The following ATP6V1F variants were observed in gnomAD, a reference collection of about 807,000 sequenced individuals.
ATP6V1F encodes ATPase H+ transporting V1 subunit F.
ATP6V1F carries 4 observed loss-of-function variants against 6.6 expected under a neutral mutation model. The ratio of observed to expected loss-of-function variants is 0.60; its 90% CI spans 0.30 to 1.38. The LOEUF is 1.38. ATP6V1F is among the 40% of genes most tolerant of loss of function. The pLI, the probability that ATP6V1F is intolerant of heterozygous loss-of-function variation, is 0.08. For synonymous variants in ATP6V1F, 68 were observed against 66.9 expected (o/e 1.02, Z -0.08); for missense variants, 136 against 165.5 (o/e 0.82, Z 0.98).
intron 1 of ATP6V1F, among the ~76,000 whole-genome samples, chr7:128,864,328 G>T (rs1412201835): frequency 6.6e-6 from 1 of 152,176 alleles, no homozygotes; most frequent in Admixed American, 6.5e-5. Context: ...GGGTGACAGA[G>T]GGAGACCCTG....
Position 128,865,210 on chromosome 7 carries a change from T to C in ATP6V1F, c.159-167T>C. Reference sequence around the variant, plus strand: ...GGGATGAAATTGATTCTAGGTAGGGTTGACAGAGGGTTGAGCGTGGCAGCC... The same window carrying C: ...GGGATGAAATTGATTCTAGGTAGGGCTGACAGAGGGTTGAGCGTGGCAGCC... On this transcript the variant is annotated intron_variant, in intron 1 of 1. Transcript: ENST00000249289. The surrounding 1 kb of genome is among the most constrained non-coding windows in gnomAD (Gnocchi z 4.4). The C allele has an allele frequency of 6.5e-7, 1 of 1,539,596 alleles. No homozygotes were observed. The highest frequency in any genetic ancestry group is 1.4e-5 in the African/African-American group (1 of 73,150).
Position 128,862,928 on chromosome 7 carries a change from C to T in ATP6V1F, c.24C>T (p.Ile8=), listed in dbSNP as rs148608984. 3.3e-5 allele frequency: 53 copies of T among 1,611,104 alleles called. No homozygotes were observed. Among genetic ancestry groups the T allele is most frequent in the Admixed American group, 1.0e-4 (6 of 59,592 alleles). MAGRGKL[I]AVIGDEDTVT... Reference sequence around the variant, plus strand: ...GGATGGCGGGGAGGGGTAAGCTCATCGCAGTGATCGGAGACGAGGACACGG... The same window carrying T: ...GGATGGCGGGGAGGGGTAAGCTCATTGCAGTGATCGGAGACGAGGACACGG... The change falls in exon 1 of 2, where the codon ATC becomes ATT. Residue 8 remains isoleucine (I), a synonymous_variant. Transcript: ENST00000249289.
rs1404001302 is a variant in ATP6V1F, at chr7:128,864,802, A to G, written c.159-575A>G. On this transcript the variant is annotated intron_variant, in intron 1 of 1. Coordinates refer to ENST00000249289, the MANE Select transcript of ATP6V1F (RefSeq NM_004231.4). The stretch of plus-strand genomic sequence containing the variant: ...AGCCATTTTTTTTTTGTGTGTATAT[A>G]TATAGATAGATAGATAGATCCGCCA... 9.1e-5 allele frequency: 28 copies of G among 306,074 alleles called. No homozygotes were observed. In the Admixed American group the frequency reaches 1.1e-3, roughly 12 times the overall value. The allele number at this position is 306,074 out of a possible 1,614,324, so 19.0% of individuals were successfully genotyped here. A position where few individuals can be genotyped will look rare whatever the true frequency, so the allele number is the denominator to read the frequency against.
rs780760567 is a variant in ATP6V1F, at chr7:128,865,605, C to A, written c.*27C>A. 3 of 1,589,632 alleles carry A rather than the reference C, an allele frequency of 1.9e-6. No homozygotes were observed. The highest frequency in any genetic ancestry group is 2.6e-6 in the Non-Finnish European group (3 of 1,164,676). On this transcript the variant is annotated 3_prime_UTR_variant, in exon 2 of 2. Coordinates refer to ENST00000249289, the MANE Select transcript of ATP6V1F (RefSeq NM_004231.4). This position sits in a 1 kb window ranked among gnomAD's most constrained non-coding sequence, Gnocchi z 4.4. ...GGACTCCTCATAGCCCTCAGCCCTT[C>A]CCTCGTTTCCAGGCCTCTCCCCAGG... is the stretch of plus-strand genomic sequence containing the variant.
In ATP6V1F at chr7:128,865,322, G is replaced by A; in HGVS notation, c.159-55G>A. 6.2e-7 allele frequency: 1 copy of A among 1,603,294 alleles called. No individual in the cohort carries two copies. The highest frequency in any genetic ancestry group is 8.5e-7 in the Non-Finnish European group (1 of 1,171,756). On this transcript the variant is annotated intron_variant, in intron 1 of 1. Coordinates refer to ENST00000249289, the MANE Select transcript of ATP6V1F (RefSeq NM_004231.4). This position sits in a 1 kb window ranked among gnomAD's most constrained non-coding sequence, Gnocchi z 4.4. ...AACTCGGAGAGGGCTGCCTGGGTAG[G>A]AGAGACGGCAGCCCCCAGAGCTGTC...
intron 1 of ATP6V1F, 83 bp downstream of exon 1, chr7:128,863,145 G>T (rs1185867770): frequency 1.8e-5 from 27 of 1,512,306 alleles, no homozygotes; most frequent in Non-Finnish European, 2.3e-5. Context: ...CCGGACGGGG[G>T]TGAGGGGACG....
chr7:128,863,137 G>A, intron 1 of ATP6V1F, 75 bp downstream of exon 1: 1 of 1,536,518 alleles, frequency 6.5e-7, no homozygotes, highest in African/African-American at 1.4e-5. Flanking sequence ...GAGGCTGCCC[G>A]GACGGGGGTG....
At chr7:128,864,584 A>T (rs1425624078) in intron 1 of ATP6V1F, among the ~76,000 whole-genome samples, 2 of 151,186 alleles carry the variant, frequency 1.3e-5, no homozygotes, top group Non-Finnish European at 2.9e-5. Context: ...TTTTCTTTTT[A>T]AAAGTTAATG....
chr7:128,863,146 T>A, intron 1 of ATP6V1F, 84 bp downstream of exon 1: 2 of 1,508,546 alleles, frequency 1.3e-6, no homozygotes, highest in Non-Finnish European at 1.8e-6. Flanking sequence ...CGGACGGGGG[T>A]GAGGGGACGA....
In ATP6V1F at chr7:128,863,025, A is replaced by G; in HGVS notation, c.121A>G (p.Lys41Glu). 1 of 1,613,516 alleles carries G rather than the reference A, an allele frequency of 6.2e-7. No individual in the cohort carries two copies. The highest frequency in any genetic ancestry group is 8.5e-7 in the Non-Finnish European group (1 of 1,179,734). Residue 41 changes from lysine (K) to glutamate (E), a missense_variant, in exon 1 of 2, where the codon AAG becomes GAG. By Grantham distance (56) the Lys-to-Glu change is moderately conservative. Coordinates refer to ENST00000249289, the MANE Select transcript of ATP6V1F (RefSeq NM_004231.4). Reference protein sequence around the residue: ...NRHPNFLVVEKDTTINEIEDT... With the variant: ...NRHPNFLVVEEDTTINEIEDT... ...CCATCCCAATTTCCTGGTGGTGGAGAAGGATACAACCATCAATGAGATCGA... is the reference window on the plus strand; with the variant it reads ...CCATCCCAATTTCCTGGTGGTGGAGGAGGATACAACCATCAATGAGATCGA...
chr7:128,863,140 C>A (rs10246802), intron 1 of ATP6V1F, 78 bp downstream of exon 1: 1 of 1,500,432 alleles, frequency 6.7e-7, no homozygotes, highest in Non-Finnish European at 9.0e-7. Flanking sequence ...GCTGCCCGGA[C>A]GGGGGTGAGG....
At position 128,862,887 on chromosome 7, in the gene ATP6V1F, C is replaced by T; in HGVS notation, c.-18C>T. On this transcript the variant is annotated 5_prime_UTR_variant, in exon 1 of 2. Coordinates refer to ENST00000249289, the MANE Select transcript of ATP6V1F (RefSeq NM_004231.4). The stretch of plus-strand genomic sequence containing the variant: ...GTGGCTTCTGGTGCTCTAGGGTGAG[C>T]TCTGCCCGGCTGCAGGGATGGCGGG... The T allele has an allele frequency of 1.3e-6, 2 of 1,573,690 alleles. No individual in the cohort carries two copies. The highest frequency in any genetic ancestry group is 1.7e-6 in the Non-Finnish European group (2 of 1,160,920).
intron 1 of ATP6V1F, among the ~76,000 whole-genome samples, chr7:128,864,134 G>A (rs375914438): frequency 6.6e-6 from 1 of 152,114 alleles, no homozygotes; most frequent in African/African-American, 2.4e-5. Flanking sequence ...ACCTGAGCTC[G>A]GGAGTTTGAG....
At chr7:128,864,753 T>C in intron 1 of ATP6V1F, 1 of 204,642 alleles carries the variant, frequency 4.9e-6, no homozygotes, top group South Asian at 7.7e-5. Context: ...GCTTCCCAAG[T>C]AGCTGGCACA....
chr7:128,863,189 G>T (rs1177095441), intron 1 of ATP6V1F, 127 bp downstream of exon 1: 31 of 1,215,950 alleles, frequency 2.5e-5, no homozygotes, highest in Non-Finnish European at 3.3e-5. Flanking sequence ...CCGGAGCGGA[G>T]GCCTCCGCGC....
rs1809302253 is a variant in ATP6V1F, at chr7:128,863,022, GAGA to G, written c.121_123del (p.Lys41del). 1.9e-6 allele frequency: 3 copies of G among 1,613,644 alleles called. No individual in the cohort carries two copies. Among genetic ancestry groups the G allele is most frequent in the Non-Finnish European group, 2.5e-6 (3 of 1,179,794 alleles). Reference sequence around the variant, plus strand: ...CCGCCATCCCAATTTCCTGGTGGTGGAGAAGGATACAACCATCAATGAGATCGA... The same window carrying G: ...CCGCCATCCCAATTTCCTGGTGGTGGAGGATACAACCATCAATGAGATCGA... On this transcript the variant is annotated inframe_deletion, in exon 1 of 2. Coordinates refer to ENST00000249289, the MANE Select transcript of ATP6V1F (RefSeq NM_004231.4).
chr7:128,865,579 G>A lies in ATP6V1F; in HGVS notation c.*1G>A. On this transcript the variant is annotated 3_prime_UTR_variant, in exon 2 of 2. Transcript: ENST00000249289. The surrounding 1 kb of genome is among the most constrained non-coding windows in gnomAD (Gnocchi z 4.4). ...GTTCACTGCCGAAGACCTGCGCTAGGGGACTCCTCATAGCCCTCAGCCCTT... is the reference window on the plus strand; with the variant it reads ...GTTCACTGCCGAAGACCTGCGCTAGAGGACTCCTCATAGCCCTCAGCCCTT... 1 of 1,612,914 alleles carries A rather than the reference G, an allele frequency of 6.2e-7. No homozygotes were observed. Among genetic ancestry groups the A allele is most frequent in the South Asian group, 1.1e-5 (1 of 90,916 alleles).
chr7:128,865,317 G>C lies in ATP6V1F; in HGVS notation c.159-60G>C. 1 of 1,600,264 alleles carries C rather than the reference G, an allele frequency of 6.2e-7. No homozygotes were observed. The highest frequency in any genetic ancestry group is 2.2e-5 in the East Asian group (1 of 44,746). ...CCAACAACTCGGAGAGGGCTGCCTG[G>C]GTAGGAGAGACGGCAGCCCCCAGAG... On this transcript the variant is annotated intron_variant, in intron 1 of 1. Coordinates refer to ENST00000249289, the MANE Select transcript of ATP6V1F (RefSeq NM_004231.4). The surrounding 1 kb of genome is among the most constrained non-coding windows in gnomAD (Gnocchi z 4.4).
Position 128,865,503 on chromosome 7 carries a change from G to A in ATP6V1F, c.285G>A (p.Glu95=). Residue 95 remains glutamate (E), a synonymous_variant, in exon 2 of 2, where the codon GAG becomes GAA. Coordinates refer to ENST00000249289, the MANE Select transcript of ATP6V1F (RefSeq NM_004231.4). The surrounding 1 kb of genome is among the most constrained non-coding windows in gnomAD (Gnocchi z 4.4). The part of the protein sequence containing the change: ...IPAVLEIPSK[E]HPYDAAKDSI... ...CTGTCCTGGAGATCCCCTCCAAGGA[G>A]CACCCATATGACGCCGCCAAGGACT... The A allele has an allele frequency of 1.9e-6, 3 of 1,614,130 alleles. No homozygotes were observed. Among genetic ancestry groups the A allele is most frequent in the Non-Finnish European group, 2.5e-6 (3 of 1,180,040 alleles).
Sources: allele counts gnomAD v4.1 joint callset (sites outside exome capture counted in the v4.1 genomes callset), GRCh38; gene constraint gnomAD v4.1.1; non-coding constraint Gnocchi (gnomAD v3.1); transcripts MANE v1.5; gene names NCBI Gene and HGNC (gene_info 2026-07-23, HGNC 2026-07-21).